Variants in JMJD1C observed in about 807,000 individuals in gnomAD.
The protein encoded by JMJD1C is jumonji domain containing 1C.
A neutral mutation model predicts 245.3 loss-of-function variants in JMJD1C; 31 were observed. That is an observed-to-expected ratio of 0.13 (90% CI 0.09 to 0.17). The LOEUF (loss-of-function observed/expected upper bound fraction) is 0.17. Ranked by LOEUF, JMJD1C falls within the 10% of genes least tolerant of loss-of-function variation. The pLI, the probability that JMJD1C is intolerant of heterozygous loss-of-function variation, is 1.00. For missense variants in JMJD1C, 2,691 were observed against 3,000.2 expected, an observed-to-expected ratio of 0.90 and a Z score of 2.41; for synonymous variants, 1,057 against 1,017.4, an observed-to-expected ratio of 1.04 and a Z score of -0.74.
chr10:63,502,507 G>C (rs151054319), intron 1 of JMJD1C, among the ~76,000 whole-genome samples: 1,728 of 151,958 alleles, frequency 0.011, 34 homozygotes, highest in African/African-American at 0.04. Context: ...GCATGGTGGC[G>C]GGCATCTACA....
intron 1 of JMJD1C, among the ~76,000 whole-genome samples, chr10:63,396,776 G>T (rs764384444): frequency 3.3e-5 from 5 of 151,552 alleles, no homozygotes; most frequent in Non-Finnish European, 7.4e-5. Context: ...GGTATGTCTT[G>T]TGATATACTT....
chr10:63,435,005 C>T (rs1322261751), intron 1 of JMJD1C, among the ~76,000 whole-genome samples: 1 of 152,206 alleles, frequency 6.6e-6, no homozygotes, highest in Admixed American at 6.5e-5. Context: ...CTTTAGAACA[C>T]CAATTAAAAT....
chr10:63,322,540 C>A (rs1242053071), intron 2 of JMJD1C, among the ~76,000 whole-genome samples: 1 of 152,072 alleles, frequency 6.6e-6, no homozygotes, highest in African/African-American at 2.4e-5. Flanking sequence ...TCTGGCCAGG[C>A]ACGGTGGCTC....
At chr10:63,387,629 A>AATTTTTTTTTTTTTTTTTTTTTTTTTTTT (rs1554915199) in intron 1 of JMJD1C, among the ~76,000 whole-genome samples, 1 of 37,840 alleles carries the variant, frequency 2.6e-5, no homozygotes, top group Non-Finnish European at 4.3e-5. Context: ...GAAAAAAAAA[A>AATTTTTTTTTTTTTTTTTTTTTTTTTTTT]TTTTTTTTTT....
At chr10:63,300,038 G>A (rs1025620724) in intron 2 of JMJD1C, among the ~76,000 whole-genome samples, 1 of 152,086 alleles carries the variant, frequency 6.6e-6, no homozygotes, top group African/African-American at 2.4e-5. Flanking sequence ...TAGAACTGCT[G>A]ATGATCTGTG....
At chr10:63,330,401 T>G (rs1195057742) in intron 2 of JMJD1C, among the ~76,000 whole-genome samples, 1 of 152,188 alleles carries the variant, frequency 6.6e-6, no homozygotes, top group Non-Finnish European at 1.5e-5. Flanking sequence ...AATGGTATCT[T>G]TCTAGTTTAC....
At chr10:63,441,477 T>C (rs1347578885) in intron 1 of JMJD1C, among the ~76,000 whole-genome samples, 2 of 152,166 alleles carry the variant, frequency 1.3e-5, no homozygotes, top group Admixed American at 6.5e-5. Flanking sequence ...ACATATAAAG[T>C]GCTCAAGATT....
At chr10:63,257,226 CAAA>C (rs71025139) in intron 3 of JMJD1C, among the ~76,000 whole-genome samples, 1,028 of 92,630 alleles carry the variant, frequency 0.011, 17 homozygotes, top group African/African-American at 0.04. Context: ...GACTTCATCT[CAAA>C]AAAAAAAAAA....
chr10:63,337,602 A>AG (rs1491202641), intron 2 of JMJD1C, among the ~76,000 whole-genome samples: 6 of 113,702 alleles, frequency 5.3e-5, no homozygotes, highest in African/African-American at 3.4e-4. Flanking sequence ...AGAAAAGAAA[A>AG]GAAAAGAAAA....
At chr10:63,252,413 G>A (rs1853216555) in intron 3 of JMJD1C, among the ~76,000 whole-genome samples, 1 of 152,064 alleles carries the variant, frequency 6.6e-6, no homozygotes, top group Admixed American at 6.5e-5. Flanking sequence ...ATCAGTTGAA[G>A]GCCTTAAGAA....
At chr10:63,445,898 A>G (rs1951690399) in intron 1 of JMJD1C, among the ~76,000 whole-genome samples, 1 of 120,106 alleles carries the variant, frequency 8.3e-6, no homozygotes. Flanking sequence ...TTTTCCAGAC[A>G]GAGTCTCACT....
chr10:63,347,970 T>C (rs1944001653), intron 2 of JMJD1C, among the ~76,000 whole-genome samples: 2 of 152,140 alleles, frequency 1.3e-5, no homozygotes, highest in African/African-American at 4.8e-5. Context: ...CCCAGCATTT[T>C]GGAAGGCTAA....
chr10:63,371,906 C>T (rs1426864721), intron 2 of JMJD1C, among the ~76,000 whole-genome samples: 2 of 152,118 alleles, frequency 1.3e-5, no homozygotes, highest in South Asian at 4.1e-4. Flanking sequence ...TACAAAAAGA[C>T]ATGCAACTGT....
At position 63,491,547 on chromosome 10, in the gene JMJD1C, C is replaced by G. The variant is rs944566707; in HGVS notation, n.113+30191G>C. Among the ~76,000 whole-genome samples, 3 of 152,152 alleles carry G rather than the reference C, an allele frequency of 2.0e-5. No homozygotes were observed. In the South Asian group the frequency reaches 6.2e-4, roughly 32 times the overall value. ...AGAAAATGAAGAAAAGGAAAATCTTCCTCCTCTTTCCTTTCTATCTCCTAA... is the reference window on the plus strand; with the variant it reads ...AGAAAATGAAGAAAAGGAAAATCTTGCTCCTCTTTCCTTTCTATCTCCTAA... On this transcript the variant is annotated intron_variant and non_coding_transcript_variant, in intron 1 of 3. Coordinates refer to the JMJD1C transcript ENST00000633035.
At chr10:63,408,090 C>T (rs1006784452) in intron 1 of JMJD1C, among the ~76,000 whole-genome samples, 1 of 152,070 alleles carries the variant, frequency 6.6e-6, no homozygotes, top group African/African-American at 2.4e-5. Context: ...TGAAAAGCAA[C>T]TCCTCAAAAG....
intron 2 of JMJD1C, among the ~76,000 whole-genome samples, chr10:63,300,650 G>C (rs999965190): frequency 2.0e-5 from 3 of 152,156 alleles, no homozygotes; most frequent in Admixed American, 2.0e-4. Flanking sequence ...CCAGCATTTT[G>C]GGAGGCCAAG....
At position 63,445,970 on chromosome 10, in the gene JMJD1C, G is replaced by C. The variant is rs1951696899; in HGVS notation, c.168+19525C>G. 3.6e-5 allele frequency among the ~76,000 whole-genome samples: 5 copies of C among 139,048 alleles called. No homozygotes were observed. The South Asian group carries it at 1.2e-3, about 34-fold the overall frequency. The allele number at this position is 139,048 out of a possible 152,430, so 91.2% of individuals were successfully genotyped here. A position where few individuals can be genotyped will look rare whatever the true frequency, so the allele number is the denominator to read the frequency against. On this transcript the variant is annotated intron_variant, in intron 1 of 25. Coordinates refer to ENST00000399262, the MANE Select transcript of JMJD1C (RefSeq NM_032776.3). ...GGCTCACTGCAGCCTCAACCTCCCA[G>C]GCTCAGGCGATTCTCCCACCTCAGC...
intron 1 of JMJD1C, among the ~76,000 whole-genome samples, chr10:63,444,519 C>G (rs1951580430): frequency 6.6e-6 from 1 of 152,236 alleles, no homozygotes; most frequent in Non-Finnish European, 1.5e-5. Flanking sequence ...AGTGATCCAC[C>G]TGCCTCGGCC....
chr10:63,278,256 T>C (rs1403437675), intron 2 of JMJD1C, among the ~76,000 whole-genome samples: 1 of 151,520 alleles, frequency 6.6e-6, no homozygotes, highest in Non-Finnish European at 1.5e-5. Context: ...GAAGTTGAGG[T>C]AGGCAGATCA....
Sources: allele counts gnomAD v4.1 joint callset (sites outside exome capture counted in the v4.1 genomes callset), GRCh38; gene constraint gnomAD v4.1.1; transcripts MANE v1.5; gene names NCBI Gene and HGNC (gene_info 2026-07-23, HGNC 2026-07-21).